The following ARHGEF3 variants were observed in gnomAD, a reference collection of about 807,000 sequenced individuals.
ARHGEF3 encodes the protein Rho guanine nucleotide exchange factor 3.
In ARHGEF3, 28 loss-of-function variants were observed where a neutral mutation model predicts 63.2. That is an observed-to-expected ratio of 0.44 (90% confidence interval 0.33 to 0.61). The LOEUF (loss-of-function observed/expected upper bound fraction) is 0.61. ARHGEF3 is among the 20% of genes least tolerant of loss of function. The pLI is 0.03. For synonymous variants in ARHGEF3, 266 were observed against 254.2 expected, an observed-to-expected ratio of 1.05 and a Z score of -0.44; for missense variants, 533 against 659.3, an observed-to-expected ratio of 0.81 and a Z score of 2.10.
At chr3:56,934,769 C>G (rs1479823196) in intron 3 of ARHGEF3, among the ~76,000 whole-genome samples, 1 of 152,238 alleles carries the variant, frequency 6.6e-6, no homozygotes, top group African/African-American at 2.4e-5. Context: ...GGCTCCTGTG[C>G]GGCCCCAGCC....
chr3:57,038,028 C>A (rs1704034809), intron 1 of ARHGEF3, among the ~76,000 whole-genome samples: 1 of 152,206 alleles, frequency 6.6e-6, no homozygotes, highest in Admixed American at 6.5e-5. Flanking sequence ...ATCAAATTCT[C>A]ACACCAGCCC....
intron 2 of ARHGEF3, chr3:56,958,983 G>A (rs560863060): frequency 1.5e-4 from 206 of 1,329,498 alleles, no homozygotes; most frequent in Non-Finnish European, 2.1e-4. Flanking sequence ...AAAGAGAGAT[G>A]CCTCAAGAAA....
At chr3:56,737,129 A>G in intron 8 of ARHGEF3, 56 bp downstream of exon 8, 1 of 1,482,104 alleles carries the variant, frequency 6.7e-7, no homozygotes, top group South Asian at 1.3e-5. Flanking sequence ...CTCCACACCA[A>G]ATGAATTAGG....
chr3:57,058,908 C>T (rs1055109566), intron 1 of ARHGEF3, among the ~76,000 whole-genome samples: 6 of 148,710 alleles, frequency 4.0e-5, no homozygotes, highest in South Asian at 4.2e-4. Flanking sequence ...AACCAAACAC[C>T]GCATGTTCTC....
At chr3:56,772,413 C>T (rs1393477167) in intron 2 of ARHGEF3, among the ~76,000 whole-genome samples, 1 of 152,124 alleles carries the variant, frequency 6.6e-6, no homozygotes, top group East Asian at 1.9e-4. Context: ...ATGAGGCATG[C>T]CTTGGGTTCT....
chr3:57,065,890 G>T (rs141523693), intron 1 of ARHGEF3, among the ~76,000 whole-genome samples: 1 of 152,126 alleles, frequency 6.6e-6, no homozygotes, highest in East Asian at 1.9e-4. Flanking sequence ...CTTTTACTTA[G>T]GCCCATGAAC....
intron 3 of ARHGEF3, among the ~76,000 whole-genome samples, chr3:56,927,254 C>T (rs2042298233): frequency 6.6e-6 from 1 of 152,186 alleles, no homozygotes; most frequent in Non-Finnish European, 1.5e-5. Flanking sequence ...AGCATAGTGC[C>T]TGGCACATAG....
At chr3:56,866,967 T>C (rs550477852) in intron 4 of ARHGEF3, among the ~76,000 whole-genome samples, 1 of 152,386 alleles carries the variant, frequency 6.6e-6, no homozygotes, top group Non-Finnish European at 1.5e-5. Flanking sequence ...TATTTCACAT[T>C]CCTTCTATCC....
At chr3:56,953,331 C>G (rs1400383415) in intron 3 of ARHGEF3, among the ~76,000 whole-genome samples, 5 of 152,200 alleles carry the variant, frequency 3.3e-5, no homozygotes, top group African/African-American at 1.2e-4. Flanking sequence ...TGGCAACTTC[C>G]TTCTATACAC....
intron 4 of ARHGEF3, among the ~76,000 whole-genome samples, chr3:56,848,585 T>C (rs1267758508): frequency 6.6e-6 from 1 of 152,196 alleles, no homozygotes; most frequent in Non-Finnish European, 1.5e-5. Context: ...AGTCATTTGG[T>C]AGGGGGTAGG....
intron 4 of ARHGEF3, among the ~76,000 whole-genome samples, chr3:56,871,505 G>C (rs1396435510): frequency 6.6e-6 from 1 of 152,082 alleles, no homozygotes; most frequent in Non-Finnish European, 1.5e-5. Context: ...GGACCAGTAA[G>C]CTAAGCTGTT....
chr3:56,757,553 C>A (rs1159059655), intron 2 of ARHGEF3, among the ~76,000 whole-genome samples: 1 of 151,944 alleles, frequency 6.6e-6, no homozygotes, highest in Admixed American at 6.5e-5. Context: ...AATGTAAACA[C>A]CCCTTCTATG....
At chr3:56,787,488 A>G (rs999683736) in intron 1 of ARHGEF3, among the ~76,000 whole-genome samples, 1 of 152,156 alleles carries the variant, frequency 6.6e-6, no homozygotes, top group African/African-American at 2.4e-5. Flanking sequence ...AGGAAAGGAA[A>G]GGAGGCACTG....
At chr3:56,950,558 T>G (rs1211897931) in intron 3 of ARHGEF3, among the ~76,000 whole-genome samples, 1 of 151,986 alleles carries the variant, frequency 6.6e-6, no homozygotes, top group African/African-American at 2.4e-5. Context: ...ATCAGAGAAA[T>G]GCAAATCAAA....
intron 1 of ARHGEF3, among the ~76,000 whole-genome samples, chr3:57,065,072 G>A (rs1705447960): frequency 6.6e-6 from 1 of 152,190 alleles, no homozygotes. Flanking sequence ...GTGGAGAGAG[G>A]GTTCTGCTGT....
At position 57,017,032 on chromosome 3, in the gene ARHGEF3, T is replaced by TCTCACACACA. The variant is rs1221332567; in HGVS notation, c.62+18055_62+18056insTGTGTGTGAG. ...CTCTCTCTCTCTCTCTCTCTCTCTC[T>TCTCACACACA]CACACACACACACACACACACACAC... On this transcript the variant is annotated intron_variant, in intron 2 of 12. Transcript: ENST00000338458. 2.6e-3 allele frequency among the ~76,000 whole-genome samples: 270 copies of TCTCACACACA among 104,370 alleles called. 1 individual carries two copies. The highest frequency in any genetic ancestry group is 2.8e-3 in the East Asian group (10 of 3,614). The allele number at this position is 104,370 out of a possible 152,430, so 68.5% of individuals were successfully genotyped here. A position where few individuals can be genotyped will look rare whatever the true frequency, so the allele number is the denominator to read the frequency against.
At position 56,801,799 on chromosome 3, in the gene ARHGEF3, G is replaced by A. The variant is rs1200273697; in HGVS notation, c.-1C>T. ...AGAAGGGGTAATCCTTGGCCACCAT[G>A]GCGGCTGCCGGGCCTGCCCTTTGGG... On this transcript the variant is annotated 5_prime_UTR_variant, in exon 1 of 10. Coordinates refer to ENST00000296315, the MANE Select transcript of ARHGEF3 (RefSeq NM_019555.3). The A allele has an allele frequency of 1.3e-6, 2 of 1,558,404 alleles. No homozygotes were observed. The highest frequency in any genetic ancestry group is 2.7e-5 in the African/African-American group (2 of 73,688).
At chr3:56,732,096 C>T (rs766844928) in intron 9 of ARHGEF3, 142 bp downstream of exon 9, 529 of 1,000,468 alleles carry the variant, frequency 5.3e-4, no homozygotes, top group Non-Finnish European at 7.1e-4. Context: ...AAACAAAGTA[C>T]ATAATCAGGA....
At chr3:56,948,799 T>C (rs1699651998) in intron 3 of ARHGEF3, among the ~76,000 whole-genome samples, 1 of 151,060 alleles carries the variant, frequency 6.6e-6, no homozygotes. Flanking sequence ...ATCATCCTGA[T>C]ACCAAAGCCT....
Sources: allele counts gnomAD v4.1 joint callset (sites outside exome capture counted in the v4.1 genomes callset), GRCh38; gene constraint gnomAD v4.1.1; transcripts MANE v1.5; gene names NCBI Gene and HGNC (gene_info 2026-07-23, HGNC 2026-07-21).